The following COL8A1 variants were observed in gnomAD, a reference collection of about 807,000 sequenced individuals.
The protein encoded by COL8A1 is collagen alpha-1(VIII) chain.
A neutral mutation model predicts 42.7 loss-of-function variants in COL8A1; 21 were observed. The observed-to-expected ratio is 0.49, with a 90% CI of 0.35 to 0.71. The LOEUF (loss-of-function observed/expected upper bound fraction) is 0.71, where lower values mean the gene tolerates loss of function less well. Among genes scored for constraint, COL8A1 ranks in the 30% least tolerant of loss-of-function variants. The pLI, the probability that COL8A1 is intolerant of heterozygous loss-of-function variation, is 0.01. For missense variants in COL8A1, 788 were observed against 962.4 expected, an observed-to-expected ratio of 0.82 and a Z score of 2.40; for synonymous variants, 367 against 369.1, an observed-to-expected ratio of 0.99 and a Z score of 0.06.
At chr3:99,715,815 T>C (rs56274829) in intron 1 of COL8A1, among the ~76,000 whole-genome samples, 3,977 of 152,074 alleles carry the variant, frequency 0.026, 163 homozygotes, top group African/African-American at 0.087. Context: ...CAAGTGGGAA[T>C]ACTAAAGTGG....
chr3:99,730,835 G>T (rs915116882), intron 1 of COL8A1, among the ~76,000 whole-genome samples: 72 of 151,998 alleles, frequency 4.7e-4, no homozygotes, highest in African/African-American at 1.7e-3. Flanking sequence ...TTTGTTTGTG[G>T]CCTTTTCTTT....
chr3:99,651,848 C>T (rs992563939), intron 1 of COL8A1, among the ~76,000 whole-genome samples: 4 of 152,132 alleles, frequency 2.6e-5, no homozygotes, highest in South Asian at 2.1e-4. Context: ...CTTTTCCATT[C>T]GCAGCTAAGT....
intron 2 of COL8A1, among the ~76,000 whole-genome samples, chr3:99,757,988 T>G (rs1012959978): frequency 1.4e-4 from 22 of 152,206 alleles, no homozygotes; most frequent in Non-Finnish European, 2.8e-4. Flanking sequence ...AATACATTCT[T>G]TTAGGTTGAT....
chr3:99,794,609 T>C lies in COL8A1; in HGVS notation c.708T>C (p.Leu236=), dbSNP rs750239174. ...AAGGACTACCAGGACCTCAAGGCCTTCGGGGTCCTAAAGGAGACAAGGGCT... is the reference window on the plus strand; with the variant it reads ...AAGGACTACCAGGACCTCAAGGCCTCCGGGGTCCTAAAGGAGACAAGGGCT... ...GPKGLPGPQG[L]RGPKGDKGFG... The change falls in exon 4 of 4, where the codon CTT becomes CTC. Residue 236 remains leucine (L), a synonymous_variant. Coordinates refer to ENST00000652472, the MANE Select transcript of COL8A1 (RefSeq NM_020351.4). This position sits in a 1 kb window ranked among gnomAD's most constrained non-coding sequence, Gnocchi z 4.3. 4.3e-6 allele frequency: 7 copies of C among 1,613,338 alleles called. No homozygotes were observed. The highest frequency in any genetic ancestry group is 4.2e-6 in the Non-Finnish European group (5 of 1,179,728).
intron 1 of COL8A1, among the ~76,000 whole-genome samples, chr3:99,671,268 G>A (rs1404008003): frequency 6.6e-6 from 1 of 151,936 alleles, no homozygotes. Context: ...GATGTGGTAA[G>A]GCTCAAAAAC....
chr3:99,730,953 G>A (rs1048578757), intron 1 of COL8A1, among the ~76,000 whole-genome samples: 2 of 151,908 alleles, frequency 1.3e-5, no homozygotes, highest in Non-Finnish European at 2.9e-5. Context: ...ATGTCATGAC[G>A]TTTCTTTTGT....
chr3:99,778,894 T>A (rs35468254), intron 2 of COL8A1, among the ~76,000 whole-genome samples: 11,783 of 152,282 alleles, frequency 0.077, 571 homozygotes, highest in Middle Eastern at 0.11. Flanking sequence ...TGCACAGTTA[T>A]GAACTAAGTG....
At chr3:99,694,311 C>T (rs759915347) in intron 1 of COL8A1, among the ~76,000 whole-genome samples, 2 of 151,972 alleles carry the variant, frequency 1.3e-5, no homozygotes, top group Non-Finnish European at 2.9e-5. Flanking sequence ...GATGAAACCC[C>T]ATCTCTACTA....
At chr3:99,727,473 GAATT>G in intron 1 of COL8A1, among the ~76,000 whole-genome samples, 1 of 152,210 alleles carries the variant, frequency 6.6e-6, no homozygotes, top group African/African-American at 2.4e-5. Flanking sequence ...GGTGATTCTT[GAATT>G]AATTTTTGTA....
intron 2 of COL8A1, among the ~76,000 whole-genome samples, chr3:99,762,994 C>T (rs1010473652): frequency 2.0e-5 from 3 of 152,060 alleles, no homozygotes; most frequent in Non-Finnish European, 2.9e-5. Flanking sequence ...TTCATACCTT[C>T]TAGGTGGCAG....
chr3:99,644,548 A>C (rs1159283561), intron 1 of COL8A1, among the ~76,000 whole-genome samples: 1 of 152,246 alleles, frequency 6.6e-6, no homozygotes, highest in African/African-American at 2.4e-5. Context: ...CCTCTGAAGC[A>C]TGCCTGACAA....
chr3:99,644,978 T>A (rs1373524632), intron 1 of COL8A1, among the ~76,000 whole-genome samples: 1 of 152,198 alleles, frequency 6.6e-6, no homozygotes, highest in Non-Finnish European at 1.5e-5. Context: ...TTATGGCTAG[T>A]TTATGGCAGC....
intron 2 of COL8A1, among the ~76,000 whole-genome samples, chr3:99,775,552 C>CTT (rs930345181): frequency 1.3e-5 from 2 of 152,196 alleles, no homozygotes; most frequent in Non-Finnish European, 2.9e-5. Context: ...ACTCTTGTCT[C>CTT]TAAGTGGTGA....
At position 99,733,116 on chromosome 3, in the gene COL8A1, T is replaced by C. The variant is rs895276307; in HGVS notation, c.-128-11781T>C. On this transcript the variant is annotated intron_variant, in intron 1 of 3. Coordinates refer to ENST00000652472, the MANE Select transcript of COL8A1 (RefSeq NM_020351.4). ...GGGTACAGCCTCTCTCCCAGCTTTT[T>C]TCTTTTTTTTTTTTTTTTAAACTTT... 5.6e-5 allele frequency among the ~76,000 whole-genome samples: 8 copies of C among 141,754 alleles called. 1 individual carries two copies. In the East Asian group the frequency reaches 1.0e-3, roughly 18 times the overall value. 93.0% of individuals were successfully genotyped at this position (141,754 alleles called of 152,430 possible).
At chr3:99,735,599 G>C (rs1486018375) in intron 1 of COL8A1, among the ~76,000 whole-genome samples, 6 of 149,964 alleles carry the variant, frequency 4.0e-5, no homozygotes, top group Non-Finnish European at 7.4e-5. Context: ...CAAGGATATT[G>C]GTCTAAAATT....
chr3:99,709,029 A>G (rs1038129468), intron 1 of COL8A1, among the ~76,000 whole-genome samples: 1 of 80,608 alleles, frequency 1.2e-5, no homozygotes, highest in African/African-American at 4.5e-5. Flanking sequence ...TAACACCCCC[A>G]CCCCCGCCCC....
At chr3:99,650,152 C>T (rs188229498) in intron 1 of COL8A1, among the ~76,000 whole-genome samples, 1 of 152,262 alleles carries the variant, frequency 6.6e-6, no homozygotes, top group Admixed American at 6.5e-5. Context: ...CCTTTCTCTA[C>T]AGAAAATGTC....
intron 1 of COL8A1, among the ~76,000 whole-genome samples, chr3:99,738,455 C>T (rs527610562): frequency 6.6e-6 from 1 of 152,312 alleles, no homozygotes; most frequent in Non-Finnish European, 1.5e-5. Context: ...ACAGGACCCT[C>T]AGCTGCAGGT....
chr3:99,701,995 G>T (rs1417404463), intron 1 of COL8A1, among the ~76,000 whole-genome samples: 1 of 152,064 alleles, frequency 6.6e-6, no homozygotes, highest in Non-Finnish European at 1.5e-5. Flanking sequence ...TGAAGAATGA[G>T]GTAATATAAG....
Sources: allele counts gnomAD v4.1 joint callset (sites outside exome capture counted in the v4.1 genomes callset), GRCh38; gene constraint gnomAD v4.1.1; non-coding constraint Gnocchi (gnomAD v3.1); transcripts MANE v1.5; gene names NCBI Gene and HGNC (gene_info 2026-07-23, HGNC 2026-07-21).